CA10: variants seen among roughly 807,000 people sequenced by gnomAD.
CA10 encodes the protein carbonic anhydrase 10 (inactive).
A neutral mutation model predicts 44.2 loss-of-function variants in CA10; 14 were observed. The observed-to-expected ratio is 0.32, with a 90% CI of 0.21 to 0.50. The LOEUF (loss-of-function observed/expected upper bound fraction) is 0.50, where lower values mean the gene tolerates loss of function less well. Among genes scored for constraint, CA10 ranks in the 20% least tolerant of loss-of-function variants. The pLI, the probability that CA10 is intolerant of heterozygous loss-of-function variation, is 0.99. For synonymous variants in CA10, 159 were observed against 141.6 expected (o/e 1.12, Z -0.87); for missense variants, 350 against 409.7 (o/e 0.85, Z 1.26).
At chr17:52,157,152 C>T (rs778984975) in intron 1 of CA10, among the ~76,000 whole-genome samples, 7 of 152,118 alleles carry the variant, frequency 4.6e-5, no homozygotes, top group Non-Finnish European at 8.8e-5. Flanking sequence ...AGTGCTTTAA[C>T]AAGAAAATTG....
At chr17:51,675,297 T>C (rs527799801) in intron 4 of CA10, among the ~76,000 whole-genome samples, 2 of 152,260 alleles carry the variant, frequency 1.3e-5, no homozygotes, top group East Asian at 1.9e-4. Flanking sequence ...TGGTGGCTCA[T>C]GCCTATAATC....
intron 2 of CA10, among the ~76,000 whole-genome samples, chr17:52,050,651 C>G (rs1987037715): frequency 6.6e-6 from 1 of 151,970 alleles, no homozygotes; most frequent in South Asian, 2.1e-4. Flanking sequence ...TCCAACATGC[C>G]AAGCTCTTTC....
At chr17:51,931,829 C>A (rs1316894933) in intron 2 of CA10, among the ~76,000 whole-genome samples, 1 of 152,158 alleles carries the variant, frequency 6.6e-6, no homozygotes, top group Non-Finnish European at 1.5e-5. Flanking sequence ...CACATGAAAA[C>A]TTCTATTAGA....
intron 1 of CA10, among the ~76,000 whole-genome samples, chr17:52,123,303 T>G (rs1989049964): frequency 6.6e-6 from 1 of 151,946 alleles, no homozygotes; most frequent in South Asian, 2.1e-4. Flanking sequence ...AAGTTTGGTA[T>G]AGTAGTAACA....
At chr17:52,020,126 T>A (rs1986090466) in intron 2 of CA10, among the ~76,000 whole-genome samples, 1 of 152,012 alleles carries the variant, frequency 6.6e-6, no homozygotes, top group African/African-American at 2.4e-5. Flanking sequence ...TTTAGTGGAT[T>A]GACCCTTTTA....
chr17:52,068,498 C>T (rs1444491408), intron 2 of CA10, among the ~76,000 whole-genome samples: 1 of 152,202 alleles, frequency 6.6e-6, no homozygotes, highest in African/African-American at 2.4e-5. Context: ...CCTCACATTA[C>T]CACCCTTCTC....
At chr17:51,771,496 C>T (rs1905610868) in intron 3 of CA10, among the ~76,000 whole-genome samples, 1 of 152,266 alleles carries the variant, frequency 6.6e-6, no homozygotes, top group South Asian at 2.1e-4. Context: ...TTTTCCCATG[C>T]CACACCCAGC....
chr17:51,950,292 G>C (rs1053046449), intron 2 of CA10, among the ~76,000 whole-genome samples: 1 of 152,064 alleles, frequency 6.6e-6, no homozygotes, highest in South Asian at 2.1e-4. Context: ...ACTTGTGCTG[G>C]GTTCCTCTGT....
At chr17:52,126,813 G>A (rs1009052631) in intron 1 of CA10, among the ~76,000 whole-genome samples, 3 of 152,098 alleles carry the variant, frequency 2.0e-5, no homozygotes, top group Non-Finnish European at 4.4e-5. Context: ...TCAAAAAATT[G>A]CAGCATACTT....
chr17:52,013,149 T>C (rs1985860551), intron 2 of CA10, among the ~76,000 whole-genome samples: 1 of 151,964 alleles, frequency 6.6e-6, no homozygotes, highest in Admixed American at 6.6e-5. Context: ...CACAAGGAAC[T>C]TCCACAGAAA....
At chr17:51,710,363 A>G (rs1461412533) in intron 4 of CA10, among the ~76,000 whole-genome samples, 1 of 152,124 alleles carries the variant, frequency 6.6e-6, no homozygotes, top group Non-Finnish European at 1.5e-5. Flanking sequence ...AGGTGCCTAC[A>G]GGCTGGAGGA....
In CA10 at chr17:51,755,991, G is replaced by A. The variant is rs1455213999; in HGVS notation, c.280-8173C>T. On this transcript the variant is annotated intron_variant, in intron 3 of 8. Transcript: ENST00000451037. Reference sequence around the variant, plus strand: ...TATTCTATATGGAATTGGCACCTGGGCCCTGTTCACTGGTAACATAGAAGA... The same window carrying A: ...TATTCTATATGGAATTGGCACCTGGACCCTGTTCACTGGTAACATAGAAGA... Among the ~76,000 whole-genome samples, 3 of 151,728 alleles carry A rather than the reference G, an allele frequency of 2.0e-5. No homozygotes were observed. The East Asian group carries it at 5.8e-4, about 29-fold the overall frequency.
chr17:51,653,359 C>G (rs956051248), intron 5 of CA10, among the ~76,000 whole-genome samples: 2 of 151,868 alleles, frequency 1.3e-5, no homozygotes, highest in Non-Finnish European at 2.9e-5. Context: ...TTAGGTGGGT[C>G]CTAAAGCCTG....
intron 4 of CA10, among the ~76,000 whole-genome samples, chr17:51,658,935 T>A (rs764627491): frequency 6.6e-6 from 1 of 152,208 alleles, no homozygotes; most frequent in Non-Finnish European, 1.5e-5. Flanking sequence ...ACACCTTCCA[T>A]GAAACACTGT....
intron 3 of CA10, among the ~76,000 whole-genome samples, chr17:51,764,729 G>A (rs1647836957): frequency 2.0e-5 from 3 of 152,168 alleles, no homozygotes; most frequent in African/African-American, 7.2e-5. Flanking sequence ...TAGCATCTCC[G>A]TATTTCTTGC....
At chr17:51,972,040 C>T (rs1984298304) in intron 2 of CA10, among the ~76,000 whole-genome samples, 1 of 151,562 alleles carries the variant, frequency 6.6e-6, no homozygotes, top group African/African-American at 2.4e-5. Flanking sequence ...TATCTTGCAG[C>T]CTCGGAGGAA....
chr17:51,681,523 T>G (rs1215908972), intron 4 of CA10, among the ~76,000 whole-genome samples: 1 of 152,174 alleles, frequency 6.6e-6, no homozygotes, highest in Non-Finnish European at 1.5e-5. Flanking sequence ...GTAGGATGTC[T>G]AGTAGTATCC....
chr17:51,756,167 C>A (rs1480828914), intron 3 of CA10, among the ~76,000 whole-genome samples: 1 of 152,074 alleles, frequency 6.6e-6, no homozygotes, highest in East Asian at 1.9e-4. Flanking sequence ...AGCTGATAGA[C>A]CACAACATCC....
At chr17:51,788,154 T>C (rs1466221031) in intron 3 of CA10, among the ~76,000 whole-genome samples, 1 of 152,194 alleles carries the variant, frequency 6.6e-6, no homozygotes, top group Non-Finnish European at 1.5e-5. Context: ...GTTTCCATTA[T>C]CATTTGCTCC....
Sources: allele counts gnomAD v4.1 joint callset (sites outside exome capture counted in the v4.1 genomes callset), GRCh38; gene constraint gnomAD v4.1.1; transcripts MANE v1.5; gene names NCBI Gene and HGNC (gene_info 2026-07-23, HGNC 2026-07-21).